Variants in GRID1 observed in about 807,000 individuals in gnomAD.
GRID1 encodes glutamate ionotropic receptor delta type subunit 1.
A neutral mutation model predicts 98.0 loss-of-function variants in GRID1; 28 were observed. That is an observed-to-expected ratio of 0.29 (90% confidence interval 0.21 to 0.39). The LOEUF is 0.39. GRID1 is among the 10% of genes least tolerant of loss of function. The pLI is 1.00. For missense variants in GRID1, 1,111 were observed against 1,340.5 expected, an observed-to-expected ratio of 0.83 and a Z score of 2.67; for synonymous variants, 553 against 538.5, an observed-to-expected ratio of 1.03 and a Z score of -0.37.
chr10:86,160,908 C>A (rs1845312559), intron 3 of GRID1, among the ~76,000 whole-genome samples: 1 of 152,254 alleles, frequency 6.6e-6, no homozygotes, highest in Non-Finnish European at 1.5e-5. Flanking sequence ...TGAGCACACG[C>A]TCAGTGTGCT....
chr10:86,359,195 C>T (rs2114826), intron 2 of GRID1, among the ~76,000 whole-genome samples: 45,045 of 152,156 alleles, frequency 0.3, 9,619 homozygotes, highest in African/African-American at 0.59. Flanking sequence ...GGTCTACAGG[C>T]ATCTTTAGGA....
chr10:86,292,611 C>T (rs1208386137), intron 2 of GRID1, among the ~76,000 whole-genome samples: 2 of 152,222 alleles, frequency 1.3e-5, no homozygotes, highest in Admixed American at 1.3e-4. Flanking sequence ...TCACCCCTGC[C>T]TTCCTCCCTC....
At chr10:86,078,022 C>T (rs1326739830) in intron 4 of GRID1, among the ~76,000 whole-genome samples, 3 of 152,342 alleles carry the variant, frequency 2.0e-5, no homozygotes, top group East Asian at 1.9e-4. Flanking sequence ...CCAGCCTGGC[C>T]GCTTTGAGAC....
At chr10:86,130,778 G>A (rs1366990322) in intron 4 of GRID1, among the ~76,000 whole-genome samples, 1 of 152,222 alleles carries the variant, frequency 6.6e-6, no homozygotes, top group Non-Finnish European at 1.5e-5. Flanking sequence ...AGGGCGCTGA[G>A]CTGGTTAACG....
chr10:86,134,031 C>T (rs12777819), intron 4 of GRID1, among the ~76,000 whole-genome samples: 26,097 of 152,196 alleles, frequency 0.17, 2,564 homozygotes, highest in Middle Eastern at 0.28. Context: ...GGCCTATGTA[C>T]GGTAGAGACA....
At chr10:85,928,799 A>G (rs75898456) in intron 4 of GRID1, among the ~76,000 whole-genome samples, 5,954 of 152,282 alleles carry the variant, frequency 0.039, 378 homozygotes, top group African/African-American at 0.14. Context: ...GAATCAGTTC[A>G]CTGCTCTACA....
chr10:86,181,937 A>G (rs1023446409), intron 3 of GRID1, among the ~76,000 whole-genome samples: 1 of 152,208 alleles, frequency 6.6e-6, no homozygotes, highest in Non-Finnish European at 1.5e-5. Context: ...AAAGGTACAC[A>G]ATAAATACTC....
chr10:85,816,072 G>T (rs1842713580), intron 8 of GRID1, among the ~76,000 whole-genome samples: 1 of 151,984 alleles, frequency 6.6e-6, no homozygotes, highest in East Asian at 1.9e-4. Context: ...ATTCATTGTT[G>T]GTGGAAATGC....
chr10:86,222,361 C>T (rs1846269271), intron 2 of GRID1, among the ~76,000 whole-genome samples: 1 of 152,192 alleles, frequency 6.6e-6, no homozygotes, highest in African/African-American at 2.4e-5. Flanking sequence ...CTTCAGCCTC[C>T]AGTCAGCACC....
chr10:86,177,440 G>C (rs1355028104), intron 3 of GRID1, among the ~76,000 whole-genome samples: 3 of 151,950 alleles, frequency 2.0e-5, no homozygotes, highest in African/African-American at 7.3e-5. Flanking sequence ...ACTGTGTATG[G>C]GGGGGTGGGT....
intron 2 of GRID1, among the ~76,000 whole-genome samples, chr10:86,353,497 C>T (rs576954074): frequency 6.9e-6 from 1 of 144,844 alleles, no homozygotes; most frequent in African/African-American, 2.5e-5. Context: ...TGAGCCATCA[C>T]ACTGCTGGAC....
intron 2 of GRID1, among the ~76,000 whole-genome samples, chr10:86,290,848 G>T (rs368653059): frequency 1.2e-4 from 19 of 152,236 alleles, no homozygotes; most frequent in African/African-American, 3.6e-4. Context: ...CGCTGTTAAT[G>T]AACCTAGGCT....
At chr10:85,842,018 T>G (rs1304295159) in intron 8 of GRID1, among the ~76,000 whole-genome samples, 1 of 152,096 alleles carries the variant, frequency 6.6e-6, no homozygotes, top group East Asian at 1.9e-4. Context: ...TAAAAACACA[T>G]GCATGTGTAT....
At chr10:85,878,508 T>C (rs1289854393) in intron 5 of GRID1, among the ~76,000 whole-genome samples, 1 of 152,198 alleles carries the variant, frequency 6.6e-6, no homozygotes, top group East Asian at 1.9e-4. Flanking sequence ...GAATTTCATA[T>C]CCAGCCAAAC....
At chr10:86,227,860 C>A (rs1407692451) in intron 2 of GRID1, among the ~76,000 whole-genome samples, 1 of 152,184 alleles carries the variant, frequency 6.6e-6, no homozygotes, top group East Asian at 1.9e-4. Context: ...TGTGCTTAGC[C>A]CCAGGCCCTG....
chr10:85,609,527 A>G (rs893727136), intron 15 of GRID1, among the ~76,000 whole-genome samples: 1 of 152,256 alleles, frequency 6.6e-6, no homozygotes, highest in Non-Finnish European at 1.5e-5. Context: ...TGGAGGCAAG[A>G]AAGGGTGTGG....
chr10:85,617,225 GC>G (rs57386595), intron 14 of GRID1, among the ~76,000 whole-genome samples: 17,135 of 133,682 alleles, frequency 0.13, 1,110 homozygotes, highest in African/African-American at 0.18. Context: ...ATACAACAAA[GC>G]CCCCCCCCCC....
intron 4 of GRID1, among the ~76,000 whole-genome samples, chr10:86,089,031 G>A (rs906320138): frequency 3.3e-5 from 5 of 152,216 alleles, no homozygotes; most frequent in Admixed American, 1.3e-4. Context: ...AAGGAAGTGC[G>A]GTTTCACCTC....
At chr10:85,785,114 A>T (rs555984146) in intron 8 of GRID1, among the ~76,000 whole-genome samples, 4 of 152,336 alleles carry the variant, frequency 2.6e-5, no homozygotes, top group African/African-American at 9.6e-5. Flanking sequence ...GCGCATGCAC[A>T]TGCACACACT....
Sources: gnomAD v4.1 joint callset for allele counts (sites outside exome capture counted in the v4.1 genomes callset) on GRCh38, gnomAD v4.1.1 for gene constraint, MANE v1.5 for transcripts, NCBI Gene and HGNC (gene_info 2026-07-23, HGNC 2026-07-21) for gene names.